The following RPGRIP1 variants were observed in gnomAD, a reference collection of about 807,000 sequenced individuals.
RPGRIP1 encodes RPGR interacting protein 1.
A neutral mutation model predicts 157.9 loss-of-function variants in RPGRIP1; 128 were observed. That is an observed-to-expected ratio of 0.81 (90% CI 0.70 to 0.94). The LOEUF (loss-of-function observed/expected upper bound fraction) is 0.94. RPGRIP1 is among the 40% of genes least tolerant of loss of function. The pLI, the probability that RPGRIP1 is intolerant of heterozygous loss-of-function variation, is 0.00. For synonymous variants in RPGRIP1, 554 were observed against 571.6 expected (o/e 0.97, Z 0.44); for missense variants, 1,486 against 1,545.8 (o/e 0.96, Z 0.65).
intron 3 of RPGRIP1, among the ~76,000 whole-genome samples, chr14:21,296,633 G>C (rs1880793888): frequency 6.6e-6 from 1 of 151,746 alleles, no homozygotes; most frequent in Non-Finnish European, 1.5e-5. Context: ...TTACAGGCAT[G>C]ACCCATCGTG....
rs1881386077 is a variant in RPGRIP1 at position 21,307,906 on chromosome 14, C to A, written c.906+70C>A. 7.2e-6 allele frequency: 6 copies of A among 835,534 alleles called. No homozygotes were observed. The East Asian group carries it at 1.4e-4, about 20-fold the overall frequency. 51.8% of individuals were successfully genotyped at this position (835,534 alleles called of 1,614,324 possible). ...CCAATTAAGAGATTCATATTATTTT[C>A]TCCATTTTAAATATGAGAAGCCACA... On this transcript the variant is annotated intron_variant, in intron 7 of 24. Coordinates refer to ENST00000400017, the MANE Select transcript of RPGRIP1 (RefSeq NM_020366.4).
chr14:21,315,881 C>T lies in RPGRIP1; in HGVS notation c.1152-1815C>T, dbSNP rs375796493. Among the ~76,000 whole-genome samples the T allele has an allele frequency of 3.2e-4, 49 of 151,492 alleles. No individual in the cohort carries two copies. The East Asian group carries it at 6.2e-3, about 19-fold the overall frequency. On this transcript the variant is annotated intron_variant, in intron 10 of 24. Transcript: ENST00000400017. ...TGGTGTGATCTTGGCTCACTGCAAC[C>T]TCTGCCTCCTAGGTTCAAGTGATTC...
chr14:21,345,189 T>A lies in RPGRIP1; in HGVS notation c.3609T>A (p.Asp1203Glu). 3 of 1,611,630 alleles carry A rather than the reference T, an allele frequency of 1.9e-6. No homozygotes were observed. The highest frequency in any genetic ancestry group is 2.5e-6 in the Non-Finnish European group (3 of 1,178,188). The change falls in exon 23 of 25, where the codon GAT becomes GAA. Residue 1203 changes from aspartate (D) to glutamate (E), a missense_variant. Physicochemically the swap from Asp to Glu is conservative, Grantham distance 45. Coordinates refer to ENST00000400017, the MANE Select transcript of RPGRIP1 (RefSeq NM_020366.4). ...ACATGCTGAATGGACAAGATCCTGA[T>A]CAAGGACAGTAAGCATCTGCTTTCC... ...LFDMLNGQDP[D>E]QGHLKFTVVS...
intron 2 of RPGRIP1, among the ~76,000 whole-genome samples, chr14:21,291,685 G>A (rs1471615562): frequency 1.3e-5 from 2 of 151,668 alleles, no homozygotes; most frequent in Admixed American, 6.6e-5. Flanking sequence ...AGGCTCAAGC[G>A]ATCCTCCAGC....
At chr14:21,336,319 G>A (rs1884359843) in intron 21 of RPGRIP1, among the ~76,000 whole-genome samples, 1 of 152,168 alleles carries the variant, frequency 6.6e-6, no homozygotes, top group Non-Finnish European at 1.5e-5. Flanking sequence ...CAGATTGCTT[G>A]AGGCCAGGAA....
At chr14:21,303,623 C>A in intron 6 of RPGRIP1, 80 bp downstream of exon 6, 1 of 1,059,982 alleles carries the variant, frequency 9.4e-7, no homozygotes, top group Non-Finnish European at 1.4e-6. Flanking sequence ...TTTCCTCCAT[C>A]TCAGAGGAAA....
At chr14:21,340,118 G>A (rs1884837234) in intron 21 of RPGRIP1, among the ~76,000 whole-genome samples, 1 of 152,194 alleles carries the variant, frequency 6.6e-6, no homozygotes, top group South Asian at 2.1e-4. Context: ...AAAGGAATTG[G>A]TAAGTGTAAA....
intron 6 of RPGRIP1, among the ~76,000 whole-genome samples, chr14:21,305,283 G>A (rs867188297): frequency 1.8e-4 from 28 of 152,182 alleles, no homozygotes; most frequent in Non-Finnish European, 1.5e-4. Flanking sequence ...CTTCTAGAAT[G>A]TCATATAGTT....
At chr14:21,308,316 T>C (rs1309915797) in intron 7 of RPGRIP1, among the ~76,000 whole-genome samples, 1 of 152,176 alleles carries the variant, frequency 6.6e-6, no homozygotes. Context: ...GAAACTAACA[T>C]CTGATTGGTG....
intron 7 of RPGRIP1, among the ~76,000 whole-genome samples, chr14:21,308,585 A>T (rs907328265): frequency 2.6e-5 from 4 of 152,224 alleles, no homozygotes; most frequent in Non-Finnish European, 4.4e-5. Context: ...TGATAAGTGG[A>T]GGAACACCAG....
At chr14:21,287,823 T>C (rs565103705) in intron 1 of RPGRIP1, 116 bp from the exon 2 acceptor site, 86 of 550,736 alleles carry the variant, frequency 1.6e-4, no homozygotes, top group East Asian at 1.3e-3. Context: ...AGAATGACTC[T>C]GACATGTCAT....
At chr14:21,289,521 CA>C (rs930533080) in intron 2 of RPGRIP1, among the ~76,000 whole-genome samples, 35 of 152,270 alleles carry the variant, frequency 2.3e-4, no homozygotes, top group African/African-American at 7.2e-4. Context: ...TCCACTTTCC[CA>C]TCCCTCAATC....
chr14:21,320,509 T>G (rs1882310314), intron 12 of RPGRIP1, among the ~76,000 whole-genome samples: 1 of 151,786 alleles, frequency 6.6e-6, no homozygotes, highest in African/African-American at 2.4e-5. Flanking sequence ...GCCAGGATGG[T>G]CTCGATCTCC....
At chr14:21,304,439 GA>G (rs1388941679) in intron 6 of RPGRIP1, among the ~76,000 whole-genome samples, 3 of 137,226 alleles carry the variant, frequency 2.2e-5, no homozygotes, top group Non-Finnish European at 3.2e-5. Flanking sequence ...AAGAAAGAAA[GA>G]AAGAAATTAA....
intron 10 of RPGRIP1, among the ~76,000 whole-genome samples, chr14:21,316,004 C>G (rs1056645495): frequency 7.8e-6 from 1 of 128,414 alleles, no homozygotes; most frequent in Non-Finnish European, 1.6e-5. Flanking sequence ...GAGACAAAGT[C>G]TCACTCTGTT....
intron 1 of RPGRIP1, among the ~76,000 whole-genome samples, chr14:21,282,150 G>T (rs1032386401): frequency 6.6e-6 from 1 of 152,152 alleles, no homozygotes; most frequent in African/African-American, 2.4e-5. Context: ...GGCTTTATAC[G>T]TCTATCCATC....
At chr14:21,345,603 C>T (rs988170807) in intron 23 of RPGRIP1, among the ~76,000 whole-genome samples, 12 of 151,860 alleles carry the variant, frequency 7.9e-5, no homozygotes, top group Admixed American at 5.9e-4. Flanking sequence ...AGGGTTTTGC[C>T]GTGTTGCTCA....
intron 21 of RPGRIP1, among the ~76,000 whole-genome samples, chr14:21,339,018 C>A (rs61977497): frequency 0.11 from 16,406 of 152,086 alleles, 1,070 homozygotes; most frequent in Middle Eastern, 0.21. Context: ...TGCCTGTAAT[C>A]CCAGCTACTC....
intron 1 of RPGRIP1, among the ~76,000 whole-genome samples, chr14:21,286,947 G>A (rs1880319599): frequency 6.6e-6 from 1 of 151,534 alleles, no homozygotes; most frequent in Admixed American, 6.6e-5. Context: ...GGTCGCTTAA[G>A]CCTAGGTGGA....
Sources: gnomAD v4.1 joint callset for allele counts (sites outside exome capture counted in the v4.1 genomes callset) on GRCh38, gnomAD v4.1.1 for gene constraint, MANE v1.5 for transcripts, NCBI Gene and HGNC (gene_info 2026-07-23, HGNC 2026-07-21) for gene names.